GSDME: variants seen among roughly 807,000 people sequenced by gnomAD.
GSDME encodes the protein gasdermin-E.
In GSDME, 44 loss-of-function variants were observed where a neutral mutation model predicts 47.5. The ratio of observed to expected loss-of-function variants is 0.93; its 90% CI spans 0.73 to 1.19. The LOEUF is 1.19. Ranked by LOEUF, GSDME falls within the 50% of genes most tolerant of loss-of-function variation. GSDME has a pLI of 0.00. For synonymous variants in GSDME, 258 were observed against 252.8 expected, an observed-to-expected ratio of 1.02 and a Z score of -0.20; for missense variants, 663 against 604.2, an observed-to-expected ratio of 1.10 and a Z score of -1.02.
the GSDME span, among the ~76,000 whole-genome samples, chr7:24,766,515 C>T: frequency 1.3e-5 from 2 of 152,088 alleles, no homozygotes; most frequent in Non-Finnish European, 2.9e-5. This position sits in a 1 kb window ranked among gnomAD's most constrained non-coding sequence, Gnocchi z 4.2. Context: ...CATGTGTTCT[C>T]ATTGTTCAAC....
At chr7:24,752,382 G>A (rs1285619725) in intron 1 of GSDME, among the ~76,000 whole-genome samples, 1 of 152,230 alleles carries the variant, frequency 6.6e-6, no homozygotes, top group Non-Finnish European at 1.5e-5. Flanking sequence ...GGTGCCACTG[G>A]AGGATCTGTG....
At chr7:24,715,745 C>T (rs187344594) in intron 5 of GSDME, among the ~76,000 whole-genome samples, 103 of 152,294 alleles carry the variant, frequency 6.8e-4, no homozygotes, top group African/African-American at 2.2e-3. Context: ...TTTGGAACTA[C>T]GGGCCTCAAG....
At chr7:24,764,771 G>A in the GSDME span, among the ~76,000 whole-genome samples, 21 of 152,194 alleles carry the variant, frequency 1.4e-4, no homozygotes, top group Middle Eastern at 3.4e-3. This position sits in a 1 kb window ranked among gnomAD's most constrained non-coding sequence, Gnocchi z 4.4. Flanking sequence ...GAATAATCAC[G>A]CCTAGCTCAC....
rs544390310 is a variant in GSDME, at chr7:24,706,007, A to T, written c.1183+177T>A. Reference sequence around the variant, plus strand: ...CTGGATGGAAAGGCACAGACTCGAGACCGAAGGGGGGTTTCCCATCAGCCT... The same window carrying T: ...CTGGATGGAAAGGCACAGACTCGAGTCCGAAGGGGGGTTTCCCATCAGCCT... On this transcript the variant is annotated intron_variant, in intron 8 of 9. Transcript: ENST00000645220. The T allele has an allele frequency of 0.057, 44,011 of 765,806 alleles. 1,632 individuals are homozygous for T. The highest frequency in any genetic ancestry group is 0.12 in the African/African-American group (7,082 of 58,404). The allele number at this position is 765,806 out of a possible 1,614,324, so 47.4% of individuals were successfully genotyped here. A position where few individuals can be genotyped will look rare whatever the true frequency, so the allele number is the denominator to read the frequency against.
intron 5 of GSDME, chr7:24,715,711 C>T (rs1005429350): frequency 2.2e-5 from 7 of 318,096 alleles, no homozygotes; most frequent in African/African-American, 4.5e-5. Flanking sequence ...ACAATAATAA[C>T]GAAAACGCCC....
rs937020777 is a variant in GSDME at position 24,726,076 on chromosome 7, C to T, written c.405-6858G>A. 3.9e-5 allele frequency among the ~76,000 whole-genome samples: 6 copies of T among 152,122 alleles called. No homozygotes were observed. The highest frequency in any genetic ancestry group is 2.1e-4 in the South Asian group (1 of 4,828). On this transcript the variant is annotated intron_variant, in intron 3 of 9. Coordinates refer to ENST00000645220, the MANE Select transcript of GSDME (RefSeq NM_001127453.2). The surrounding 1 kb of genome is among the most constrained non-coding windows in gnomAD (Gnocchi z 5.6). ...GAGGGAAGCGTGGCTCAGAGCCCAG[C>T]GTGGTTGCTGGGGACCAGAGCAGCC...
the GSDME span, among the ~76,000 whole-genome samples, chr7:24,779,933 C>A: frequency 3.2e-4 from 49 of 152,370 alleles, 1 homozygote; most frequent in African/African-American, 1.2e-3. This position sits in a 1 kb window ranked among gnomAD's most constrained non-coding sequence, Gnocchi z 6.0. Flanking sequence ...GAACTTTATC[C>A]CACGCCCATT....
At position 24,736,325 on chromosome 7, in the gene GSDME, G is replaced by A. The variant is rs1317665800; in HGVS notation, c.404+8237C>T. Among the ~76,000 whole-genome samples, 5 of 152,074 alleles carry A rather than the reference G, an allele frequency of 3.3e-5. No homozygotes were observed. The highest frequency in any genetic ancestry group is 7.4e-5 in the Non-Finnish European group (5 of 68,000). On this transcript the variant is annotated intron_variant, in intron 3 of 9. Coordinates refer to ENST00000645220, the MANE Select transcript of GSDME (RefSeq NM_001127453.2). This position sits in a 1 kb window ranked among gnomAD's most constrained non-coding sequence, Gnocchi z 4.6. ...ACATATAGACTGAAAATAAAGGGATGGAAAAAGCCCATGCAAATCACAGGC... is the reference window on the plus strand; with the variant it reads ...ACATATAGACTGAAAATAAAGGGATAGAAAAAGCCCATGCAAATCACAGGC...
chr7:24,738,020 T>C (rs750808581), intron 3 of GSDME, among the ~76,000 whole-genome samples: 1 of 152,108 alleles, frequency 6.6e-6, no homozygotes, highest in African/African-American at 2.4e-5. Context: ...GCTAGTATCA[T>C]ACTGAAATGG....
At chr7:24,758,781 C>T (rs897938238), upstream of GSDME, among the ~76,000 whole-genome samples, 7 of 152,166 alleles carry the variant, frequency 4.6e-5, no homozygotes, top group African/African-American at 1.7e-4. The surrounding 1 kb of genome is among the most constrained non-coding windows in gnomAD (Gnocchi z 4.6). Context: ...CTTTATTTTT[C>T]TCTTTGCACT....
upstream of GSDME, among the ~76,000 whole-genome samples, chr7:24,758,807 G>C (rs1370028681): frequency 1.3e-5 from 2 of 152,082 alleles, no homozygotes; most frequent in Non-Finnish European, 2.9e-5. This position sits in a 1 kb window ranked among gnomAD's most constrained non-coding sequence, Gnocchi z 4.6. Flanking sequence ...CCATCTGATA[G>C]ACTGTGTGCC....
the GSDME span, among the ~76,000 whole-genome samples, chr7:24,791,686 T>C: frequency 3.7e-4 from 56 of 152,252 alleles, 5 homozygotes; most frequent in South Asian, 0.012. The surrounding 1 kb of genome is among the most constrained non-coding windows in gnomAD (Gnocchi z 4.8). Flanking sequence ...GTGAAAGAGA[T>C]AGCCAATTGG....
chr7:24,786,600 C>A, the GSDME span, among the ~76,000 whole-genome samples: 1 of 152,202 alleles, frequency 6.6e-6, no homozygotes, highest in African/African-American at 2.4e-5. The surrounding 1 kb of genome is among the most constrained non-coding windows in gnomAD (Gnocchi z 5.5). Context: ...CAATGACTGA[C>A]CTGGTCCTCA....
chr7:24,706,917 G>C (rs73079954), intron 7 of GSDME, among the ~76,000 whole-genome samples: 3 of 152,150 alleles, frequency 2.0e-5, no homozygotes, highest in Non-Finnish European at 4.4e-5. Context: ...CCCCACCCTC[G>C]CCACCAGCCG....
At chr7:24,795,028 C>T in the GSDME span, among the ~76,000 whole-genome samples, 4 of 152,208 alleles carry the variant, frequency 2.6e-5, no homozygotes, top group East Asian at 5.8e-4. Context: ...AAAGGCATGC[C>T]GTGGGTGATC....
intron 3 of GSDME, among the ~76,000 whole-genome samples, chr7:24,743,564 C>A (rs542172760): frequency 6.6e-6 from 1 of 152,314 alleles, no homozygotes; most frequent in East Asian, 1.9e-4. Context: ...TGCCCAAAAC[C>A]CTCCACTGGC....
At chr7:24,789,106 A>G in the GSDME span, among the ~76,000 whole-genome samples, 2 of 152,226 alleles carry the variant, frequency 1.3e-5, no homozygotes, top group South Asian at 4.1e-4. Flanking sequence ...GTGTAACACC[A>G]TTAATATATC....
rs1210479201 is a variant in GSDME, at chr7:24,742,745, A to AC, written c.404+1816dup. 6.6e-6 allele frequency among the ~76,000 whole-genome samples: 1 copy of AC among 151,740 alleles called. No individual in the cohort carries two copies. The highest frequency in any genetic ancestry group is 6.6e-5 in the Admixed American group (1 of 15,220). ...AGGGAGCAGAGAAGACGCTCTGGAC[A>AC]CCCCCCGCCTCCCTTTTCCCCTTCC... On this transcript the variant is annotated intron_variant, in intron 3 of 9. Coordinates refer to ENST00000645220, the MANE Select transcript of GSDME (RefSeq NM_001127453.2). The surrounding 1 kb of genome is among the most constrained non-coding windows in gnomAD (Gnocchi z 4.4).
the GSDME span, among the ~76,000 whole-genome samples, chr7:24,782,876 T>C: frequency 6.6e-6 from 1 of 152,248 alleles, no homozygotes; most frequent in Non-Finnish European, 1.5e-5. Flanking sequence ...TTTTGAGAAG[T>C]GTCTGTTCAT....
Sources: allele counts gnomAD v4.1 joint callset (sites outside exome capture counted in the v4.1 genomes callset), GRCh38; gene constraint gnomAD v4.1.1; non-coding constraint Gnocchi (gnomAD v3.1); transcripts MANE v1.5; gene names NCBI Gene and HGNC (gene_info 2026-07-23, HGNC 2026-07-21).